Variants in MYO5A observed in about 807,000 individuals in gnomAD.
MYO5A encodes the protein unconventional myosin-Va.
Under a neutral mutation model 249.7 loss-of-function variants are expected in MYO5A, and 98 were observed. The ratio of observed to expected loss-of-function variants is 0.39; its 90% confidence interval spans 0.33 to 0.46. MYO5A has a LOEUF of 0.46. Ranked by LOEUF, MYO5A falls within the 20% of genes least tolerant of loss-of-function variation. The pLI, the probability that MYO5A is intolerant of heterozygous loss-of-function variation, is 0.98. For synonymous variants in MYO5A, 778 were observed against 810.6 expected (o/e 0.96, Z 0.68); for missense variants, 1,696 against 2,308.8 (o/e 0.73, Z 5.44).
intron 1 of MYO5A, among the ~76,000 whole-genome samples, chr15:52,470,657 A>G (rs926212655): frequency 2.6e-5 from 4 of 151,894 alleles, no homozygotes; most frequent in South Asian, 4.2e-4. Context: ...TCCCCCCTCA[A>G]AAAAAGGCCA....
chr15:52,525,032 G>C (rs2077706490), intron 1 of MYO5A, among the ~76,000 whole-genome samples: 1 of 152,072 alleles, frequency 6.6e-6, no homozygotes, highest in African/African-American at 2.4e-5. Flanking sequence ...AGGTCTAATT[G>C]ATAAACCCTA....
intron 23 of MYO5A, among the ~76,000 whole-genome samples, chr15:52,365,704 A>C (rs138000665): frequency 4.9e-4 from 74 of 152,322 alleles, no homozygotes; most frequent in African/African-American, 1.7e-3. Flanking sequence ...TAATTTGTAA[A>C]TGAATGAATG....
intron 24 of MYO5A, 43 bp from the exon 25 acceptor site, chr15:52,360,124 A>C: frequency 7.5e-7 from 1 of 1,338,064 alleles, no homozygotes; most frequent in Non-Finnish European, 1.1e-6. Flanking sequence ...CAACATAATT[A>C]GTCTAGGCAT....
chr15:52,458,384 TG>T (rs1257856179), intron 1 of MYO5A, among the ~76,000 whole-genome samples: 1 of 152,128 alleles, frequency 6.6e-6, no homozygotes, highest in African/African-American at 2.4e-5. Flanking sequence ...AAGACCAGCC[TG>T]GGCTGGTGAC....
In MYO5A at chr15:52,458,882, C is replaced by T. The variant is rs1035668461; in HGVS notation, c.28-25597G>A. Among the ~76,000 whole-genome samples the T allele has an allele frequency of 1.0e-3, 153 of 152,024 alleles. 3 individuals are homozygous for T. Among genetic ancestry groups the T allele is most frequent in the Middle Eastern group, 3.4e-3 (1 of 294 alleles). On this transcript the variant is annotated intron_variant, in intron 1 of 41. Transcript: ENST00000399233. ...AATATTAGAAATTTGAAAATATTGG[C>T]AAGGGCACAGGAATTAGGAATCTCA...
At chr15:52,462,202 C>A (rs2076266085) in intron 1 of MYO5A, among the ~76,000 whole-genome samples, 1 of 150,018 alleles carries the variant, frequency 6.7e-6, no homozygotes, top group African/African-American at 2.5e-5. Context: ...GGAGGCAGAG[C>A]TTGCAGTGAG....
At chr15:52,471,619 A>ACACACACACC (rs773132992) in intron 1 of MYO5A, among the ~76,000 whole-genome samples, 10 of 149,302 alleles carry the variant, frequency 6.7e-5, no homozygotes, top group South Asian at 6.5e-4. Flanking sequence ...ACACACACAC[A>ACACACACACC]CCCCAAACAA....
intron 1 of MYO5A, among the ~76,000 whole-genome samples, chr15:52,479,954 T>G: frequency 9.1e-6 from 1 of 110,416 alleles, no homozygotes; most frequent in East Asian, 2.8e-4. Flanking sequence ...CCTGAAGAGA[T>G]ATGAACTGAA....
intron 1 of MYO5A, among the ~76,000 whole-genome samples, chr15:52,449,491 C>T (rs114731899): frequency 0.016 from 2,485 of 152,200 alleles, 75 homozygotes; most frequent in African/African-American, 0.057. Context: ...CATATAATAC[C>T]TATGTATTCT....
intron 16 of MYO5A, among the ~76,000 whole-genome samples, chr15:52,381,710 A>C (rs1372328562): frequency 3.9e-5 from 6 of 151,902 alleles, no homozygotes; most frequent in Admixed American, 1.3e-4. Context: ...ACAATCTGTC[A>C]AGTTAAAAGT....
chr15:52,471,060 G>C (rs2076456744), intron 1 of MYO5A, among the ~76,000 whole-genome samples: 1 of 150,934 alleles, frequency 6.6e-6, no homozygotes. Flanking sequence ...AAGAGTTCTT[G>C]TTGTCCAGAC....
chr15:52,437,174 A>C (rs1348892266), intron 1 of MYO5A, among the ~76,000 whole-genome samples: 1 of 152,202 alleles, frequency 6.6e-6, no homozygotes, highest in African/African-American at 2.4e-5. Flanking sequence ...CTAAAGCCTT[A>C]CTCATGTAAT....
chr15:52,446,900 A>G (rs939920946), intron 1 of MYO5A, among the ~76,000 whole-genome samples: 1 of 152,044 alleles, frequency 6.6e-6, no homozygotes, highest in African/African-American at 2.4e-5. Context: ...AAATGTCCAT[A>G]CCCCACGGTA....
chr15:52,323,276 A>T, intron 37 of MYO5A, 79 bp downstream of exon 37: 20 of 1,320,374 alleles, frequency 1.5e-5, no homozygotes, highest in Non-Finnish European at 2.2e-5. Flanking sequence ...ATGGTTAAAC[A>T]TTTTGTGCTT....
At chr15:52,372,501 T>C in intron 20 of MYO5A, 138 bp from the exon 21 acceptor site, 1 of 1,188,018 alleles carries the variant, frequency 8.4e-7, no homozygotes, top group Non-Finnish European at 1.2e-6. Context: ...CTATGTAGAT[T>C]ATACTTATCA....
chr15:52,502,234 G>A (rs2077174264), intron 1 of MYO5A, among the ~76,000 whole-genome samples: 1 of 152,108 alleles, frequency 6.6e-6, no homozygotes. Context: ...AGTGAGCCAA[G>A]ATCGCGCCAC....
intron 33 of MYO5A, 35 bp downstream of exon 33, chr15:52,337,775 G>A (rs1278685624): frequency 1.4e-6 from 2 of 1,454,082 alleles, no homozygotes; most frequent in Non-Finnish European, 1.9e-6. Flanking sequence ...AAGTAGCAAG[G>A]GAAGACAGCA....
intron 1 of MYO5A, among the ~76,000 whole-genome samples, chr15:52,524,462 G>C (rs553219330): frequency 6.6e-6 from 1 of 152,078 alleles, no homozygotes; most frequent in East Asian, 1.9e-4. Context: ...GGTGAGGTGG[G>C]AGGATGGCTT....
intron 16 of MYO5A, among the ~76,000 whole-genome samples, chr15:52,382,299 T>A (rs1303751171): frequency 6.6e-6 from 1 of 152,178 alleles, no homozygotes; most frequent in Non-Finnish European, 1.5e-5. Context: ...AAAAATAGGC[T>A]GGGCATGGTG....
Sources: allele counts gnomAD v4.1 joint callset (sites outside exome capture counted in the v4.1 genomes callset), GRCh38; gene constraint gnomAD v4.1.1; transcripts MANE v1.5; gene names NCBI Gene and HGNC (gene_info 2026-07-23, HGNC 2026-07-21).